CRACD: variants seen among roughly 807,000 people sequenced by gnomAD.
The protein encoded by CRACD is capping protein-inhibiting regulator of actin dynamics.
In CRACD, 56 loss-of-function variants were observed where a neutral mutation model predicts 106.8. The observed-to-expected ratio is 0.52, with a 90% CI of 0.42 to 0.66. CRACD has a LOEUF of 0.66. Among genes scored for constraint, CRACD ranks in the 30% least tolerant of loss-of-function variants. The pLI, the probability that CRACD is intolerant of heterozygous loss-of-function variation, is 0.00. For synonymous variants in CRACD, 754 were observed against 670.8 expected, an observed-to-expected ratio of 1.12 and a Z score of -1.92; for missense variants, 1,730 against 1,623.2, an observed-to-expected ratio of 1.07 and a Z score of -1.13.
intron 2 of CRACD, among the ~76,000 whole-genome samples, chr4:56,203,921 T>A (rs994130337): frequency 6.6e-6 from 1 of 152,196 alleles, no homozygotes; most frequent in East Asian, 1.9e-4. Context: ...TTCTAATCCC[T>A]GGGACAAAAC....
At chr4:56,267,322 C>T (rs564557575) in intron 2 of CRACD, among the ~76,000 whole-genome samples, 109 of 152,042 alleles carry the variant, frequency 7.2e-4, no homozygotes, top group Non-Finnish European at 1.3e-3. Flanking sequence ...CGGTGTTTCA[C>T]GATGTTGGCC....
intron 1 of CRACD, among the ~76,000 whole-genome samples, chr4:56,139,410 A>C (rs1234584891): frequency 1.3e-5 from 2 of 152,036 alleles, no homozygotes; most frequent in Non-Finnish European, 2.9e-5. Context: ...CTACTTGGGA[A>C]ACAGCCTTGT....
intron 2 of CRACD, among the ~76,000 whole-genome samples, chr4:56,186,308 A>G (rs1737092930): frequency 6.6e-6 from 1 of 152,158 alleles, no homozygotes. Context: ...TTTCCTGTAG[A>G]CTTCCTGGGA....
chr4:56,076,382 C>G (rs1031546727), intron 1 of CRACD, among the ~76,000 whole-genome samples: 2 of 152,152 alleles, frequency 1.3e-5, no homozygotes, highest in African/African-American at 4.8e-5. Flanking sequence ...GGCTGAGGAG[C>G]ACTGAAGTAG....
chr4:56,166,207 C>G (rs760644128), intron 1 of CRACD, among the ~76,000 whole-genome samples: 5 of 152,044 alleles, frequency 3.3e-5, no homozygotes, highest in Admixed American at 2.0e-4. Flanking sequence ...TGAGCCTTAA[C>G]CATATTTATT....
At chr4:56,292,528 A>T (rs1184136471) in intron 3 of CRACD, among the ~76,000 whole-genome samples, 1 of 146,012 alleles carries the variant, frequency 6.8e-6, no homozygotes, top group Non-Finnish European at 1.5e-5. Context: ...CAGCCTCTAA[A>T]TTTTTTTTTT....
intron 3 of CRACD, among the ~76,000 whole-genome samples, chr4:56,277,501 A>C (rs1742742711): frequency 1.3e-5 from 2 of 151,992 alleles, no homozygotes; most frequent in Non-Finnish European, 2.9e-5. Context: ...AAACTCCTTC[A>C]ACTTGATAAA....
rs772642302 is a variant in CRACD, at chr4:56,314,194, T to C, written c.692T>C (p.Leu231Pro). The change falls in exon 8 of 11, where the codon CTG becomes CCG. Residue 231 changes from leucine (L) to proline (P), a missense_variant. This residue lies in a region of CRACD where 1,620 missense variants were observed against 1,481.6 expected (regional missense o/e 1.09). Coordinates refer to ENST00000682029, the MANE Select transcript of CRACD (RefSeq NM_001393381.1). The surrounding 1 kb of genome is among the most constrained non-coding windows in gnomAD (Gnocchi z 4.4). Reference sequence around the variant, plus strand: ...CGCCAAGAAGACTACTGGCGAGAACTGGAGGCCAAGTGCAAGCGGCAAAAG... The same window carrying C: ...CGCCAAGAAGACTACTGGCGAGAACCGGAGGCCAAGTGCAAGCGGCAAAAG... ...RRRQEDYWRE[L>P]EAKCKRQKAE... 5 of 1,612,252 alleles carry C rather than the reference T, an allele frequency of 3.1e-6. No individual in the cohort carries two copies. The highest frequency in any genetic ancestry group is 4.2e-6 in the Non-Finnish European group (5 of 1,179,242).
At chr4:56,053,777 T>C (rs1199342405) in intron 1 of CRACD, among the ~76,000 whole-genome samples, 1 of 152,216 alleles carries the variant, frequency 6.6e-6, no homozygotes, top group Non-Finnish European at 1.5e-5. Flanking sequence ...AATCTGAATT[T>C]GTGTAGATCA....
At chr4:56,273,337 C>G (rs111887147) in intron 3 of CRACD, among the ~76,000 whole-genome samples, 13 of 151,332 alleles carry the variant, frequency 8.6e-5, no homozygotes, top group South Asian at 4.2e-4. Context: ...TCCTTCCTCC[C>G]TCCCTACGTC....
rs796834871 is a variant in CRACD at position 56,308,899 on chromosome 4, G to A, written c.285+1200G>A. 37 of 1,288,952 alleles carry A rather than the reference G, an allele frequency of 2.9e-5. No homozygotes were observed. In the African/African-American group the frequency reaches 5.2e-4, roughly 18 times the overall value. The allele number at this position is 1,288,952 out of a possible 1,614,324, so 79.8% of individuals were successfully genotyped here. A position where few individuals can be genotyped will look rare whatever the true frequency, so the allele number is the denominator to read the frequency against. On this transcript the variant is annotated intron_variant, in intron 5 of 10. Coordinates refer to ENST00000682029, the MANE Select transcript of CRACD (RefSeq NM_001393381.1). ...GAGCTCATAAGTGCTGGGCACTGTG[G>A]CCTGGGGGATTGTTTGTTCAGCAGG...
intron 3 of CRACD, among the ~76,000 whole-genome samples, chr4:56,276,729 T>C (rs577204057): frequency 1.3e-5 from 2 of 152,330 alleles, no homozygotes; most frequent in Admixed American, 6.5e-5. Flanking sequence ...GAGCTACTCA[T>C]ATGGCCCTGA....
At chr4:56,113,917 G>T (rs1734199861) in intron 1 of CRACD, among the ~76,000 whole-genome samples, 10 of 151,962 alleles carry the variant, frequency 6.6e-5, no homozygotes, top group Admixed American at 6.6e-4. Context: ...AGCATTTGAG[G>T]CCCTCCACAG....
At chr4:56,279,966 A>C (rs28522228) in intron 3 of CRACD, among the ~76,000 whole-genome samples, 37,652 of 151,320 alleles carry the variant, frequency 0.25, 4,722 homozygotes, top group East Asian at 0.35. Flanking sequence ...TGCAGCCATA[A>C]AAAATGATGA....
At chr4:56,109,132 G>A (rs930716166) in intron 1 of CRACD, among the ~76,000 whole-genome samples, 1 of 152,202 alleles carries the variant, frequency 6.6e-6, no homozygotes, top group African/African-American at 2.4e-5. Flanking sequence ...GCCCTTATGC[G>A]GGCGTGACAG....
chr4:56,104,427 A>G (rs1168177623), intron 1 of CRACD, among the ~76,000 whole-genome samples: 1 of 152,146 alleles, frequency 6.6e-6, no homozygotes, highest in Non-Finnish European at 1.5e-5. Flanking sequence ...AAACAAAACC[A>G]AAAAGAGACA....
rs973840438 is a variant in CRACD, at chr4:56,315,304, C to G, written c.1802C>G (p.Ala601Gly). 3 of 1,613,690 alleles carry G rather than the reference C, an allele frequency of 1.9e-6. No individual in the cohort carries two copies. In the African/African-American group the frequency reaches 4.0e-5, roughly 22 times the overall value. Residue 601 changes from alanine (A) to glycine (G), a missense_variant, in exon 8 of 11, where the codon GCG becomes GGG. Physicochemically the swap from Ala to Gly is moderately conservative, Grantham distance 60 (BLOSUM62 0). Coordinates refer to ENST00000682029, the MANE Select transcript of CRACD (RefSeq NM_001393381.1). The surrounding 1 kb of genome is among the most constrained non-coding windows in gnomAD (Gnocchi z 4.1). The part of the protein sequence containing the change: ...VPHTAILVTG[A>G]QLCGPAVNLS... Reference sequence around the variant, plus strand: ...CACACCGCCATTCTGGTCACGGGCGCGCAGCTCTGTGGCCCGGCAGTCAAC... The same window carrying G: ...CACACCGCCATTCTGGTCACGGGCGGGCAGCTCTGTGGCCCGGCAGTCAAC...
chr4:56,064,394 AAACTTAGCTGTTCTAGT>A lies in CRACD; in HGVS notation c.-336+15097_-336+15113del, dbSNP rs558715146. Among the ~76,000 whole-genome samples the A allele has an allele frequency of 4.9e-4, 75 of 152,364 alleles. No homozygotes were observed. The South Asian group carries it at 0.014, about 29-fold the overall frequency. On this transcript the variant is annotated intron_variant, in intron 1 of 10. Coordinates refer to ENST00000682029, the MANE Select transcript of CRACD (RefSeq NM_001393381.1). ...AATGTAAAAAGCAAGCAGCAAACAC[AAACTTAGCTGTTCTAGT>A]AGGCTTTATAATGATACCTTGCATT... is the stretch of plus-strand genomic sequence containing the variant.
intron 2 of CRACD, among the ~76,000 whole-genome samples, chr4:56,239,946 A>C (rs886089159): frequency 7.9e-5 from 12 of 152,108 alleles, no homozygotes; most frequent in Non-Finnish European, 1.6e-4. Flanking sequence ...AATGAATGAG[A>C]TGAGAGTCAG....
Sources: gnomAD v4.1 joint callset for allele counts (sites outside exome capture counted in the v4.1 genomes callset) on GRCh38, gnomAD v4.1.1 for gene constraint, gnomAD v4.1.1 regional missense constraint, Gnocchi (gnomAD v3.1) non-coding constraint, MANE v1.5 for transcripts, NCBI Gene and HGNC (gene_info 2026-07-23, HGNC 2026-07-21) for gene names.